ADARB2: variants seen among roughly 807,000 people sequenced by gnomAD.
ADARB2 encodes the protein inactive double-stranded RNA-specific editase B2.
In ADARB2, 25 loss-of-function variants were observed where a neutral mutation model predicts 62.2. The ratio of observed to expected loss-of-function variants is 0.40; its 90% CI spans 0.29 to 0.56. ADARB2 has a LOEUF of 0.56. ADARB2 is among the 20% of genes least tolerant of loss of function. The pLI is 0.43. For synonymous variants in ADARB2, 572 were observed against 500.8 expected, an observed-to-expected ratio of 1.14 and a Z score of -1.90; for missense variants, 1,071 against 1,077.4, an observed-to-expected ratio of 0.99 and a Z score of 0.08.
intron 1 of ADARB2, among the ~76,000 whole-genome samples, chr10:1,666,558 T>G (rs970682845): frequency 6.6e-6 from 1 of 152,248 alleles, no homozygotes; most frequent in Admixed American, 6.5e-5. Flanking sequence ...TCCCATGGTC[T>G]GCCGCATCTG....
chr10:1,458,146 A>G (rs1831120260), intron 1 of ADARB2, among the ~76,000 whole-genome samples: 1 of 152,136 alleles, frequency 6.6e-6, no homozygotes, highest in Non-Finnish European at 1.5e-5. Flanking sequence ...CTCTCAATGG[A>G]GGTGTCACTG....
chr10:1,270,237 T>C (rs1332883307), intron 4 of ADARB2, among the ~76,000 whole-genome samples: 5 of 152,222 alleles, frequency 3.3e-5, no homozygotes, highest in Non-Finnish European at 7.3e-5. Context: ...GATGGTCTTT[T>C]TCCGCCTTAG....
At chr10:1,341,432 C>T (rs376444645) in intron 3 of ADARB2, among the ~76,000 whole-genome samples, 7 of 143,566 alleles carry the variant, frequency 4.9e-5, no homozygotes, top group African/African-American at 1.9e-4. Context: ...GAACGACGCA[C>T]CCCACAGCGG....
intron 1 of ADARB2, among the ~76,000 whole-genome samples, chr10:1,572,216 T>C (rs1204398549): frequency 6.8e-6 from 1 of 147,490 alleles, no homozygotes; most frequent in Admixed American, 6.7e-5. Flanking sequence ...TGCAGGTGAG[T>C]GTACAAGTGA....
intron 1 of ADARB2, among the ~76,000 whole-genome samples, chr10:1,658,593 C>T (rs1834203452): frequency 6.6e-6 from 1 of 152,190 alleles, no homozygotes; most frequent in South Asian, 2.1e-4. Flanking sequence ...GGCATCAGCA[C>T]AGGACCCAGT....
intron 1 of ADARB2, among the ~76,000 whole-genome samples, chr10:1,647,053 C>T (rs887971141): frequency 9.2e-5 from 14 of 152,224 alleles, no homozygotes; most frequent in East Asian, 1.9e-4. Context: ...AACACTCGCA[C>T]GAGTTCCGTC....
At chr10:1,307,248 C>T (rs1346366723) in intron 3 of ADARB2, among the ~76,000 whole-genome samples, 1 of 89,678 alleles carries the variant, frequency 1.1e-5, no homozygotes, top group African/African-American at 3.0e-5. Context: ...AAAAAACAAC[C>T]CCATTCAAAA....
chr10:1,446,708 ATC>A (rs1006202789), intron 1 of ADARB2, among the ~76,000 whole-genome samples: 1 of 152,218 alleles, frequency 6.6e-6, no homozygotes, highest in African/African-American at 2.4e-5. Flanking sequence ...ATAATTTTTC[ATC>A]TCTCTTACAG....
intron 1 of ADARB2, among the ~76,000 whole-genome samples, chr10:1,464,149 A>ACG (rs1273123803): frequency 6.6e-6 from 1 of 151,324 alleles, no homozygotes; most frequent in Non-Finnish European, 1.5e-5. Context: ...TCCCCCACAC[A>ACG]CGCGCGGGGG....
At chr10:1,585,634 C>A (rs887212408) in intron 1 of ADARB2, among the ~76,000 whole-genome samples, 2 of 152,246 alleles carry the variant, frequency 1.3e-5, no homozygotes, top group Non-Finnish European at 2.9e-5. Flanking sequence ...TACCTATGAC[C>A]TGGAAGCCCC....
intron 1 of ADARB2, among the ~76,000 whole-genome samples, chr10:1,476,234 C>T (rs555658083): frequency 1.3e-5 from 2 of 152,084 alleles, no homozygotes; most frequent in African/African-American, 4.8e-5. Context: ...CAGGAAGGAG[C>T]CTGGAGTGGA....
rs763599291 is a variant in ADARB2, at chr10:1,363,518, C to A, written c.587G>T (p.Cys196Phe). 1.3e-6 allele frequency: 2 copies of A among 1,535,106 alleles called. No individual in the cohort carries two copies. The highest frequency in any genetic ancestry group is 1.7e-6 in the Non-Finnish European group (2 of 1,145,198). Reference sequence around the variant, plus strand: ...CCCGCCCATGGCCAGGTGCGCCTGGCAGGCGTTGGGGAACTGCACGAAGGA... The same window carrying A: ...CCCGCCCATGGCCAGGTGCGCCTGGAAGGCGTTGGGGAACTGCACGAAGGA... Reference protein sequence around the residue: ...LRSFVQFPNACQAHLAMGGGP... With the variant: ...LRSFVQFPNAFQAHLAMGGGP... The change falls in exon 3 of 10, where the codon TGC becomes TTC. Residue 196 changes from cysteine (C) to phenylalanine (F), a missense_variant. Physicochemically the swap from Cys to Phe is radical, Grantham distance 205. Coordinates refer to ENST00000381312, the MANE Select transcript of ADARB2 (RefSeq NM_018702.4).
At chr10:1,667,414 A>T (rs796209454) in intron 1 of ADARB2, among the ~76,000 whole-genome samples, 58 of 152,362 alleles carry the variant, frequency 3.8e-4, no homozygotes, top group African/African-American at 1.3e-3. Flanking sequence ...AAAATTGCAT[A>T]CAAAATTGCA....
intron 5 of ADARB2, among the ~76,000 whole-genome samples, chr10:1,235,109 C>T (rs1305357838): frequency 6.6e-6 from 1 of 151,816 alleles, no homozygotes; most frequent in African/African-American, 2.4e-5. Flanking sequence ...TATCTGTCTA[C>T]ACACCTGTGA....
chr10:1,332,653 C>T (rs1020170986), intron 3 of ADARB2, among the ~76,000 whole-genome samples: 5 of 152,006 alleles, frequency 3.3e-5, no homozygotes, highest in Admixed American at 1.3e-4. Flanking sequence ...AAGAGAATTC[C>T]CCATGTGCAG....
intron 1 of ADARB2, among the ~76,000 whole-genome samples, chr10:1,546,273 G>T (rs10751802): frequency 0.93 from 141,438 of 152,282 alleles, 66,216 homozygotes; most frequent in East Asian, 1. Flanking sequence ...CAGTACTCGT[G>T]GTCCCAGTGA....
chr10:1,188,546 A>G (rs553995430), intron 8 of ADARB2, among the ~76,000 whole-genome samples: 1 of 151,972 alleles, frequency 6.6e-6, no homozygotes, highest in African/African-American at 2.4e-5. Context: ...TTCTGCTGGC[A>G]AAAGAAAAAC....
At chr10:1,390,861 A>ATCAG (rs1437716292) in intron 1 of ADARB2, among the ~76,000 whole-genome samples, 2 of 152,236 alleles carry the variant, frequency 1.3e-5, no homozygotes, top group African/African-American at 4.8e-5. Flanking sequence ...CAGAACTGTG[A>ATCAG]GCCTCAGGCC....
intron 1 of ADARB2, among the ~76,000 whole-genome samples, chr10:1,428,212 A>G (rs1830728156): frequency 6.6e-6 from 1 of 151,662 alleles, no homozygotes. Context: ...ACCTCAAGAA[A>G]TCTACCTGCC....
Sources: gnomAD v4.1 joint callset for allele counts (sites outside exome capture counted in the v4.1 genomes callset) on GRCh38, gnomAD v4.1.1 for gene constraint, MANE v1.5 for transcripts, NCBI Gene and HGNC (gene_info 2026-07-23, HGNC 2026-07-21) for gene names.